The following TTC28 variants were observed in gnomAD, a reference collection of about 807,000 sequenced individuals.
TTC28 encodes the protein tetratricopeptide repeat domain 28.
Under a neutral mutation model 198.0 loss-of-function variants are expected in TTC28, and 61 were observed. The ratio of observed to expected loss-of-function variants is 0.31; its 90% CI spans 0.25 to 0.38. TTC28 has a LOEUF of 0.38. TTC28 is among the 10% of genes least tolerant of loss of function. The pLI is 1.00. For missense variants in TTC28, 2,678 were observed against 3,164.0 expected (o/e 0.85, Z 3.69); for synonymous variants, 1,171 against 1,297.8 (o/e 0.90, Z 2.10).
rs115219052 is a variant in TTC28 at position 28,046,420 on chromosome 22, G to A, written c.3933-16054C>T. On this transcript the variant is annotated intron_variant, in intron 12 of 22. Transcript: ENST00000397906. Reference sequence around the variant, plus strand: ...GCATGTTATTGTACTGAATACCATAGGCAACTGTAACACAATGTTAAGTAT... The same window carrying A: ...GCATGTTATTGTACTGAATACCATAAGCAACTGTAACACAATGTTAAGTAT... Among the ~76,000 whole-genome samples, 1,461 of 152,268 alleles carry A rather than the reference G, an allele frequency of 9.6e-3. 26 individuals carry two copies. The highest frequency in any genetic ancestry group is 0.033 in the African/African-American group (1,360 of 41,538).
At chr22:28,179,513 G>GT (rs1484554008) in intron 5 of TTC28, among the ~76,000 whole-genome samples, 1 of 152,144 alleles carries the variant, frequency 6.6e-6, no homozygotes, top group Non-Finnish European at 1.5e-5. Flanking sequence ...GTCCAGGCAG[G>GT]TAAGATTGCA....
chr22:28,590,636 C>T (rs1030162991), intron 2 of TTC28, among the ~76,000 whole-genome samples: 1 of 152,060 alleles, frequency 6.6e-6, no homozygotes, highest in Admixed American at 6.6e-5. Flanking sequence ...AAATTTAGAA[C>T]AAATCTGTAA....
intron 1 of TTC28, among the ~76,000 whole-genome samples, chr22:28,642,480 G>C (rs2051385280): frequency 6.6e-6 from 1 of 151,414 alleles, no homozygotes; most frequent in African/African-American, 2.4e-5. Flanking sequence ...CCTGTGAAAG[G>C]CCCAAGCAGT....
At chr22:28,456,869 C>T (rs1268632074) in intron 2 of TTC28, among the ~76,000 whole-genome samples, 3 of 152,150 alleles carry the variant, frequency 2.0e-5, no homozygotes, top group Admixed American at 6.5e-5. Flanking sequence ...CCACCGCACC[C>T]GGCCCATAAA....
chr22:28,252,968 G>T lies in TTC28; in HGVS notation c.933+43230C>A, dbSNP rs1377339278. ...GTATTCACTCAACTCAGTAGCTATA[G>T]TTTGTTTTTTTCCTGAAACACTCAA... On this transcript the variant is annotated intron_variant, in intron 5 of 22. Transcript: ENST00000397906. 2.0e-5 allele frequency among the ~76,000 whole-genome samples: 3 copies of T among 152,076 alleles called. No homozygotes were observed. In the East Asian group the frequency reaches 5.8e-4, roughly 29 times the overall value.
intron 2 of TTC28, among the ~76,000 whole-genome samples, chr22:28,476,202 C>T (rs2048164087): frequency 6.6e-6 from 1 of 152,070 alleles, no homozygotes; most frequent in South Asian, 2.1e-4. Flanking sequence ...CATCTCCTTG[C>T]CTTTTTTGAC....
chr22:28,397,998 C>T (rs1453269311), intron 2 of TTC28, among the ~76,000 whole-genome samples: 2 of 152,170 alleles, frequency 1.3e-5, no homozygotes, highest in African/African-American at 4.8e-5. Flanking sequence ...TTTATAGGCA[C>T]CAGATCAGGC....
In TTC28 at chr22:28,108,005, C is replaced by T; in HGVS notation, c.1840G>A (p.Ala614Thr). ...CGGAGGTACTGTTCATAATAGGGGG[C>T]AGCCTGGACATACTCTCCCCGAGAG... The part of the protein sequence containing the change: ...HCSRGEYVQA[A>T]PYYEQYLRLA... The change falls in exon 7 of 23, where the codon GCC becomes ACC. Residue 614 changes from alanine (A) to threonine (T), a missense_variant. Transcript: ENST00000397906. 1 of 1,551,570 alleles carries T rather than the reference C, an allele frequency of 6.4e-7. No individual in the cohort carries two copies. The highest frequency in any genetic ancestry group is 2.0e-5 in the Admixed American group (1 of 50,996).
intron 1 of TTC28, among the ~76,000 whole-genome samples, chr22:28,634,461 C>A (rs1427237041): frequency 6.7e-6 from 1 of 148,790 alleles, no homozygotes; most frequent in Non-Finnish European, 1.5e-5. Context: ...AGCGAAAGAT[C>A]GCCCCACTGC....
chr22:28,278,607 G>A (rs576626464), intron 5 of TTC28, among the ~76,000 whole-genome samples: 1 of 152,098 alleles, frequency 6.6e-6, no homozygotes, highest in Admixed American at 6.5e-5. Flanking sequence ...TTTCTCCATG[G>A]GACTTATATC....
intron 2 of TTC28, among the ~76,000 whole-genome samples, chr22:28,581,680 C>G (rs1323766725): frequency 6.6e-6 from 1 of 152,154 alleles, no homozygotes; most frequent in African/African-American, 2.4e-5. Flanking sequence ...CTTTGGGAGG[C>G]CAAGATGGGA....
At chr22:28,003,478 G>GCCAGCCCCAGCC (rs557898098) in intron 14 of TTC28, among the ~76,000 whole-genome samples, 2 of 152,126 alleles carry the variant, frequency 1.3e-5, no homozygotes, top group African/African-American at 4.8e-5. Flanking sequence ...GTGACAAGAT[G>GCCAGCCCCAGCC]CCAGCCCCAG....
intron 1 of TTC28, among the ~76,000 whole-genome samples, chr22:28,675,735 TCACACACACACACACA>T (rs71316854): frequency 1.3e-4 from 17 of 135,206 alleles, no homozygotes; most frequent in East Asian, 1.1e-3. Flanking sequence ...TGAAACCCTG[TCACACACACACACACA>T]CACACACACA....
At chr22:28,584,016 G>GTTTTTTTTTTT (rs67108156) in intron 2 of TTC28, among the ~76,000 whole-genome samples, 8 of 133,018 alleles carry the variant, frequency 6.0e-5, no homozygotes, top group Non-Finnish European at 9.9e-5. Context: ...GTTTTGTTTT[G>GTTTTTTTTTTT]TTTTTTTTTT....
At chr22:28,007,552 T>A (rs2146566278) in intron 14 of TTC28, 1 of 152,210 alleles carries the variant, frequency 6.6e-6, no homozygotes, top group Admixed American at 6.5e-5. Flanking sequence ...CCAAATCAGC[T>A]TGAAGGGACT....
At chr22:28,375,758 C>T (rs571061081) in intron 2 of TTC28, among the ~76,000 whole-genome samples, 2 of 152,206 alleles carry the variant, frequency 1.3e-5, no homozygotes, top group South Asian at 4.2e-4. Flanking sequence ...AAGATCTGCC[C>T]TCAATGTGGG....
At chr22:28,177,708 T>C (rs376470950) in intron 5 of TTC28, among the ~76,000 whole-genome samples, 2 of 152,160 alleles carry the variant, frequency 1.3e-5, no homozygotes, top group South Asian at 4.1e-4. Flanking sequence ...TGAAAAGACA[T>C]GAAAGAAATT....
At chr22:28,163,677 C>T (rs773955318) in intron 5 of TTC28, 78 bp from the exon 6 acceptor site, 74 of 1,442,016 alleles carry the variant, frequency 5.1e-5, no homozygotes, top group Non-Finnish European at 6.4e-5. Flanking sequence ...TAAAATTTTA[C>T]AGGTTGCAAG....
intron 2 of TTC28, among the ~76,000 whole-genome samples, chr22:28,624,421 T>G (rs938247271): frequency 9.2e-5 from 14 of 151,672 alleles, no homozygotes; most frequent in African/African-American, 2.9e-4. Flanking sequence ...TCACTATGGA[T>G]TCTTCAGATA....
Sources: gnomAD v4.1 joint callset for allele counts (sites outside exome capture counted in the v4.1 genomes callset) on GRCh38, gnomAD v4.1.1 for gene constraint, MANE v1.5 for transcripts, NCBI Gene and HGNC (gene_info 2026-07-23, HGNC 2026-07-21) for gene names.